TLN2: variants seen among roughly 807,000 people sequenced by gnomAD.
The protein encoded by TLN2 is talin-2.
TLN2 carries 118 observed loss-of-function variants against 294.7 expected under a neutral mutation model. That is an observed-to-expected ratio of 0.40 (90% CI 0.34 to 0.47). The LOEUF (loss-of-function observed/expected upper bound fraction) is 0.47. TLN2 is among the 20% of genes least tolerant of loss of function. The pLI is 0.84. For missense variants in TLN2, 3,083 were observed against 3,282.2 expected, an observed-to-expected ratio of 0.94 and a Z score of 1.48; for synonymous variants, 1,431 against 1,304.5, an observed-to-expected ratio of 1.10 and a Z score of -2.09.
chr15:62,819,466 C>T, intron 52 of TLN2, 50 bp from the exon 53 acceptor site: 1 of 1,475,694 alleles, frequency 6.8e-7, no homozygotes, highest in Non-Finnish European at 9.5e-7. Context: ...TCTTTCCTGT[C>T]CCAGTGGTTA....
At position 62,653,201 on chromosome 15, in the gene TLN2, C is replaced by A; in HGVS notation, c.404C>A (p.Thr135Asn). 6.2e-7 allele frequency: 1 copy of A among 1,605,682 alleles called. No homozygotes were observed. The highest frequency in any genetic ancestry group is 8.5e-7 in the Non-Finnish European group (1 of 1,175,888). Residue 135 changes from threonine to asparagine, a missense_variant, in exon 7 of 59, where the codon ACT (threonine) becomes AAT (asparagine). Coordinates refer to ENST00000636159, the MANE Select transcript of TLN2 (RefSeq NM_015059.3). Reference sequence around the variant, plus strand: ...GAAGAATACTCCTTAATCCAAGAAACTATTGAAGAAAAGAAAGAGGAAGGA... The same window carrying A: ...GAAGAATACTCCTTAATCCAAGAAAATATTGAAGAAAAGAAAGAGGAAGGA... ...NYEEYSLIQE[T>N]IEEKKEEGTG...
chr15:62,720,942 G>A, intron 25 of TLN2, among the ~76,000 whole-genome samples: 1 of 152,112 alleles, frequency 6.6e-6, no homozygotes, highest in East Asian at 1.9e-4. Flanking sequence ...GGACTTTGCA[G>A]ATTATGACTT....
chr15:62,717,827 G>C (rs2059881048), intron 24 of TLN2, 138 bp downstream of exon 24: 2 of 555,638 alleles, frequency 3.6e-6, no homozygotes, highest in Non-Finnish European at 6.0e-6. Context: ...CATGTTCCAG[G>C]TGTCTACACG....
intron 54 of TLN2, among the ~76,000 whole-genome samples, chr15:62,825,989 G>A (rs899530917): frequency 1.4e-5 from 2 of 146,702 alleles, no homozygotes; most frequent in Admixed American, 7.0e-5. Context: ...TCGTGCCACT[G>A]CACTCCAGCC....
intron 28 of TLN2, among the ~76,000 whole-genome samples, chr15:62,732,866 G>T (rs1377160847): frequency 6.6e-6 from 1 of 152,182 alleles, no homozygotes; most frequent in African/African-American, 2.4e-5. Flanking sequence ...GGTAGGAGCA[G>T]GGGAGGTGAA....
Position 62,717,657 on chromosome 15 carries a change from G to A in TLN2, c.2845G>A (p.Ala949Thr). The change falls in exon 24 of 59, where the codon GCG (alanine) becomes ACG (threonine). Residue 949 changes from alanine (A) to threonine (T), a missense_variant. Ala to Thr is a moderately conservative substitution (Grantham distance 58, BLOSUM62 0). Coordinates refer to ENST00000636159, the MANE Select transcript of TLN2 (RefSeq NM_015059.3). Reference sequence around the variant, plus strand: ...TGCAGCTGTTTCCAACAAGAACCCTGCGGCCCAGCAGCAGCTGGTCCAGAG... The same window carrying A: ...TGCAGCTGTTTCCAACAAGAACCCTACGGCCCAGCAGCAGCTGGTCCAGAG... ...QNAAVSNKNP[A>T]AQQQLVQSCK... 6.2e-7 allele frequency: 1 copy of A among 1,603,126 alleles called. No individual in the cohort carries two copies. Among genetic ancestry groups the A allele is most frequent in the Non-Finnish European group, 8.5e-7 (1 of 1,175,538 alleles).
chr15:62,690,796 C>T (rs1487989597), intron 12 of TLN2, among the ~76,000 whole-genome samples: 6 of 151,148 alleles, frequency 4.0e-5, no homozygotes, highest in Admixed American at 3.3e-4. Flanking sequence ...GGATCACTCG[C>T]GGTTAGGAGC....
chr15:62,483,447 G>T (rs1261076703), intron 1 of TLN2, among the ~76,000 whole-genome samples: 2 of 152,182 alleles, frequency 1.3e-5, no homozygotes, highest in Non-Finnish European at 2.9e-5. Flanking sequence ...CAAGTTCTTG[G>T]TTTAATTGTG....
At chr15:62,472,765 G>A (rs1169984233) in intron 1 of TLN2, among the ~76,000 whole-genome samples, 1 of 152,170 alleles carries the variant, frequency 6.6e-6, no homozygotes. Flanking sequence ...TGCCCCTATA[G>A]CCTTTACCTA....
At position 62,572,305 on chromosome 15, in the gene TLN2, A is replaced by G. The variant is rs143244943; in HGVS notation, c.-237-17382A>G. Among the ~76,000 whole-genome samples the G allele has an allele frequency of 2.8e-3, 419 of 152,160 alleles. 1 individual carries two copies. The highest frequency in any genetic ancestry group is 4.9e-3 in the Non-Finnish European group (335 of 68,000). ...ACCCAGGCTGGAGTGCAGTGGCACA[A>G]TCATGGCTCACTGTAACCTCGACCT... On this transcript the variant is annotated intron_variant, in intron 1 of 58. Coordinates refer to ENST00000636159, the MANE Select transcript of TLN2 (RefSeq NM_015059.3).
At chr15:62,711,805 G>A (rs2059446695) in intron 21 of TLN2, 106 bp from the exon 22 acceptor site, 1 of 1,291,068 alleles carries the variant, frequency 7.7e-7, no homozygotes, top group Non-Finnish European at 1.0e-6. Flanking sequence ...CAGTTTTTTT[G>A]CTCCTGCTTA....
rs1166110504 is a variant in TLN2, at chr15:62,672,930, G to A, written c.789-897G>A. Among the ~76,000 whole-genome samples, 6 of 152,248 alleles carry A rather than the reference G, an allele frequency of 3.9e-5. No individual in the cohort carries two copies. The South Asian group carries it at 6.2e-4, about 16-fold the overall frequency. On this transcript the variant is annotated intron_variant, in intron 9 of 58. Coordinates refer to ENST00000636159, the MANE Select transcript of TLN2 (RefSeq NM_015059.3). ...TCAAATAAAAGATGCAGAATGTTTA[G>A]CCAAGTCTTTTTGCATTTTGTTTAT...
intron 3 of TLN2, chr15:62,644,512 C>G (rs753697013): frequency 4.4e-6 from 2 of 456,052 alleles, no homozygotes; most frequent in Non-Finnish European, 8.8e-6. Context: ...CTCAAGGAAA[C>G]TCACCTCCAA....
At chr15:62,612,388 C>G (rs957155271) in intron 2 of TLN2, among the ~76,000 whole-genome samples, 3 of 152,208 alleles carry the variant, frequency 2.0e-5, no homozygotes, top group African/African-American at 7.2e-5. Context: ...AATGCAGGTG[C>G]TATCCTTGGT....
At position 62,424,976 on chromosome 15, in the gene TLN2, A is replaced by G. The variant is rs1372005770; in HGVS notation, c.-238+34291A>G. Among the ~76,000 whole-genome samples the G allele has an allele frequency of 4.0e-5, 5 of 124,206 alleles. No individual in the cohort carries two copies. The East Asian group carries it at 1.2e-3, about 29-fold the overall frequency. 81.5% of individuals were successfully genotyped at this position (124,206 alleles called of 152,430 possible). ...CCTTTTTTTTTTTTTTTTTTAAGAG[A>G]TAGTCTTGCTTTGTCACCCAGGCTG... is the stretch of plus-strand genomic sequence containing the variant. On this transcript the variant is annotated intron_variant, in intron 1 of 58. Coordinates refer to ENST00000636159, the MANE Select transcript of TLN2 (RefSeq NM_015059.3).
At position 62,781,149 on chromosome 15, in the gene TLN2, G is replaced by C. The variant is rs763841570; in HGVS notation, c.5524G>C (p.Gly1842Arg). ...IAEAMSKLDE[G>R]TPPEPKGTFV... ...TTCCTCTCCTCTGTAGCTGGATGAA[G>C]GCACTCCTCCAGAACCAAAGGGAAC... The change falls in exon 44 of 59, where the codon GGC becomes CGC. Residue 1842 changes from glycine to arginine, a missense_variant. Gly to Arg is a moderately radical substitution (Grantham distance 125). Coordinates refer to ENST00000636159, the MANE Select transcript of TLN2 (RefSeq NM_015059.3). 23 of 1,613,488 alleles carry C rather than the reference G, an allele frequency of 1.4e-5. No individual in the cohort carries two copies. Among genetic ancestry groups the C allele is most frequent in the Non-Finnish European group, 1.7e-5 (20 of 1,179,568 alleles).
At chr15:62,652,572 T>G (rs116122078) in intron 6 of TLN2, among the ~76,000 whole-genome samples, 1,527 of 152,268 alleles carry the variant, frequency 0.01, 28 homozygotes, top group African/African-American at 0.035. Context: ...CTTCAAATAT[T>G]TGAAGAAAAT....
chr15:62,532,635 T>C (rs2041111354), intron 1 of TLN2, among the ~76,000 whole-genome samples: 1 of 152,172 alleles, frequency 6.6e-6, no homozygotes, highest in African/African-American at 2.4e-5. Flanking sequence ...AGCATTGCTC[T>C]TGCTTCACGT....
intron 1 of TLN2, among the ~76,000 whole-genome samples, chr15:62,525,780 CTCA>C (rs2040702053): frequency 6.6e-6 from 1 of 152,188 alleles, no homozygotes; most frequent in Admixed American, 6.5e-5. Flanking sequence ...GGATGCTGCC[CTCA>C]CCTGTTCCCC....
Sources: allele counts gnomAD v4.1 joint callset (sites outside exome capture counted in the v4.1 genomes callset), GRCh38; gene constraint gnomAD v4.1.1; transcripts MANE v1.5; gene names NCBI Gene and HGNC (gene_info 2026-07-23, HGNC 2026-07-21).